The following CASS4 variants were observed in gnomAD, a reference collection of about 807,000 sequenced individuals.
CASS4 encodes Cas scaffold protein family member 4.
Under a neutral mutation model 54.2 loss-of-function variants are expected in CASS4, and 22 were observed. That is an observed-to-expected ratio of 0.41 (90% CI 0.29 to 0.58). CASS4 has a LOEUF of 0.58. CASS4 is among the 20% of genes least tolerant of loss of function. CASS4 has a pLI of 0.36. For missense variants in CASS4, 854 were observed against 986.7 expected, an observed-to-expected ratio of 0.87 and a Z score of 1.80; for synonymous variants, 409 against 391.5, an observed-to-expected ratio of 1.04 and a Z score of -0.53.
In CASS4 at chr20:56,437,886, G is replaced by A. The variant is rs562483996; in HGVS notation, c.459+300G>A. On this transcript the variant is annotated intron_variant, in intron 2 of 5. Transcript: ENST00000679887. The surrounding 1 kb of genome is among the most constrained non-coding windows in gnomAD (Gnocchi z 4.7). ...GTGTGGGAAGGCACTGAGGATGTTC[G>A]TGGCACCCTTTTCACAGGATGAAGG... Among the ~76,000 whole-genome samples, 4 of 152,270 alleles carry A rather than the reference G, an allele frequency of 2.6e-5. No homozygotes were observed. The highest frequency in any genetic ancestry group is 2.1e-4 in the South Asian group (1 of 4,822).
chr20:56,452,309 G>C lies in CASS4; in HGVS notation c.1133G>C (p.Gly378Ala). Residue 378 changes from glycine to alanine, a missense_variant, in exon 5 of 6, where the codon GGC (glycine) becomes GCC (alanine). By Grantham distance (60) the Gly-to-Ala change is moderately conservative (BLOSUM62 0). Transcript: ENST00000679887. ...AAGGAGGTGTCAGAGAATTCCGCGG[G>C]CCATAATTCCTCATGGTTCTCCAGA... The part of the protein sequence containing the change: ...KAKEVSENSA[G>A]HNSSWFSRRT... 1 of 1,613,914 alleles carries C rather than the reference G, an allele frequency of 6.2e-7. No homozygotes were observed. Among genetic ancestry groups the C allele is most frequent in the South Asian group, 1.1e-5 (1 of 91,090 alleles).
At chr20:56,423,202 A>C (rs1979491417) in intron 1 of CASS4, among the ~76,000 whole-genome samples, 1 of 152,250 alleles carries the variant, frequency 6.6e-6, no homozygotes, top group African/African-American at 2.4e-5. Flanking sequence ...GTTTTCCAGG[A>C]TATGGATAGT....
In CASS4 at chr20:56,412,477, A is replaced by G. The variant is rs773256357; in HGVS notation, c.19A>G (p.Met7Val). 2.5e-6 allele frequency: 4 copies of G among 1,612,802 alleles called. No homozygotes were observed. The highest frequency in any genetic ancestry group is 1.7e-5 in the Admixed American group (1 of 59,888). The part of the protein sequence containing the change: MKGTGI[M>V]DCAPKALLAR... ...CACCGACATGAAGGGAACAGGCATC[A>G]TGGACTGTGCGCCCAAGGTGAGTGA... is the stretch of plus-strand genomic sequence containing the variant. The change falls in exon 1 of 6, where the codon ATG becomes GTG. Residue 7 changes from methionine to valine, a missense_variant. Physicochemically the swap from Met to Val is conservative, Grantham distance 21. Coordinates refer to ENST00000679887, the MANE Select transcript of CASS4 (RefSeq NM_020356.4). This position sits in a 1 kb window ranked among gnomAD's most constrained non-coding sequence, Gnocchi z 4.2.
intron 4 of CASS4, 60 bp from the exon 5 acceptor site, chr20:56,451,759 C>A: frequency 1.6e-6 from 2 of 1,259,742 alleles, no homozygotes; most frequent in Admixed American, 2.1e-5. Context: ...ATTTAAACAA[C>A]GCACTCGCGC....
In CASS4 at chr20:56,450,548, G is replaced by C. The variant is rs763896927; in HGVS notation, c.562-51G>C. 2.0e-6 allele frequency: 3 copies of C among 1,522,000 alleles called. No homozygotes were observed. In the South Asian group the frequency reaches 3.4e-5, roughly 17 times the overall value. 94.3% of individuals were successfully genotyped at this position (1,522,000 alleles called of 1,614,324 possible). A position where few individuals can be genotyped will look rare whatever the true frequency, so the allele number is the denominator to read the frequency against. Reference sequence around the variant, plus strand: ...GAATAGGGAGTGTTCGTGATGTGTAGCCATTAGGAAAGAAACATTCAAGTT... The same window carrying C: ...GAATAGGGAGTGTTCGTGATGTGTACCCATTAGGAAAGAAACATTCAAGTT... On this transcript the variant is annotated intron_variant, in intron 3 of 5. Transcript: ENST00000679887.
At chr20:56,439,956 G>A (rs1250362193) in intron 2 of CASS4, among the ~76,000 whole-genome samples, 1 of 152,202 alleles carries the variant, frequency 6.6e-6, no homozygotes, top group East Asian at 1.9e-4. Flanking sequence ...AGCTCCCTGA[G>A]GCATGTGCTG....
intron 3 of CASS4, among the ~76,000 whole-genome samples, chr20:56,449,592 T>C (rs1055379545): frequency 8.6e-5 from 13 of 151,926 alleles, no homozygotes; most frequent in Non-Finnish European, 1.6e-4. Context: ...CACATGTACC[T>C]TAGAACTTAA....
chr20:56,429,860 C>T (rs1053577216), intron 1 of CASS4, among the ~76,000 whole-genome samples: 1 of 152,114 alleles, frequency 6.6e-6, no homozygotes, highest in African/African-American at 2.4e-5. Flanking sequence ...TGTATTTTTT[C>T]ATAACTTCCT....
intron 2 of CASS4, 118 bp from the exon 3 acceptor site, chr20:56,445,782 C>A: frequency 1.4e-6 from 1 of 709,130 alleles, no homozygotes; most frequent in East Asian, 2.8e-5. Context: ...GGGTGCCGGG[C>A]GACCCCTTCA....
At position 56,437,771 on chromosome 20, in the gene CASS4, C is replaced by G. The variant is rs553473642; in HGVS notation, c.459+185C>G. ...ATGGAGAACTCAGCGGCCTCCACCC[C>G]CTTGTCGTTGACACCCTTGGCGCCA... On this transcript the variant is annotated intron_variant, in intron 2 of 5. Transcript: ENST00000679887. The surrounding 1 kb of genome is among the most constrained non-coding windows in gnomAD (Gnocchi z 4.7). 6.6e-6 allele frequency among the ~76,000 whole-genome samples: 1 copy of G among 152,176 alleles called. No individual in the cohort carries two copies. Among genetic ancestry groups the G allele is most frequent in the African/African-American group, 2.4e-5 (1 of 41,456 alleles).
intron 3 of CASS4, among the ~76,000 whole-genome samples, chr20:56,448,011 A>G (rs1387462220): frequency 1.3e-5 from 2 of 152,020 alleles, no homozygotes; most frequent in South Asian, 2.1e-4. Flanking sequence ...GCATGGTGGC[A>G]GGTGCCTGTA....
intron 1 of CASS4, among the ~76,000 whole-genome samples, chr20:56,428,445 G>T (rs999164685): frequency 2.0e-5 from 3 of 152,202 alleles, no homozygotes; most frequent in Admixed American, 1.3e-4. Context: ...TTAACGTTGA[G>T]TTTGCAAAGG....
intron 2 of CASS4, among the ~76,000 whole-genome samples, chr20:56,444,435 C>T (rs6024880): frequency 0.05 from 7,558 of 152,280 alleles, 604 homozygotes; most frequent in African/African-American, 0.17. Flanking sequence ...CCTCCAGGCC[C>T]TGTCTTGCTT....
chr20:56,451,835 T>A lies in CASS4; in HGVS notation c.659T>A (p.Leu220Gln), dbSNP rs1293387475. Residue 220 changes from leucine to glutamine, a missense_variant, in exon 5 of 6, where the codon CTG (leucine) becomes CAG (glutamine). Coordinates refer to ENST00000679887, the MANE Select transcript of CASS4 (RefSeq NM_020356.4). ...DSQASGQGVP[L>Q]ISVTTLRRGG... ...CTCCCACAGGGGCAGGGTGTTCCCC[T>A]GATATCAGTGACTACCTTAAGAAGA... 2.5e-6 allele frequency: 4 copies of A among 1,612,070 alleles called. No individual in the cohort carries two copies. The highest frequency in any genetic ancestry group is 3.4e-6 in the Non-Finnish European group (4 of 1,178,450).
chr20:56,445,117 A>G (rs561740731), intron 2 of CASS4, among the ~76,000 whole-genome samples: 6 of 152,276 alleles, frequency 3.9e-5, no homozygotes, highest in African/African-American at 1.4e-4. Context: ...TCTCAAAAAA[A>G]AAAAAGGTTT....
At chr20:56,439,892 C>T (rs1040771317) in intron 2 of CASS4, among the ~76,000 whole-genome samples, 11 of 152,188 alleles carry the variant, frequency 7.2e-5, no homozygotes, top group African/African-American at 1.4e-4. Flanking sequence ...ACATCCCACC[C>T]GGCCACAGCT....
Position 56,424,782 on chromosome 20 carries a change from G to C in CASS4, c.36+12288G>C, listed in dbSNP as rs556532458. Among the ~76,000 whole-genome samples the C allele has an allele frequency of 3.0e-4, 45 of 151,126 alleles. No homozygotes were observed. The South Asian group carries it at 3.6e-3, about 12-fold the overall frequency. On this transcript the variant is annotated intron_variant, in intron 1 of 5. Coordinates refer to ENST00000679887, the MANE Select transcript of CASS4 (RefSeq NM_020356.4). Reference sequence around the variant, plus strand: ...AAAAAAATCACAGGTTCTTTCTTGGGTAACTATGTCAAAGGGGAAGGAGGC... The same window carrying C: ...AAAAAAATCACAGGTTCTTTCTTGGCTAACTATGTCAAAGGGGAAGGAGGC...
rs560877792 is a variant in CASS4 at position 56,433,001 on chromosome 20, C to T, written c.37-4163C>T. Reference sequence around the variant, plus strand: ...CCTCTTAAAGACTTGAAAATGGGGGCGTTATGTCACGCCTCTCTTTCATTC... The same window carrying T: ...CCTCTTAAAGACTTGAAAATGGGGGTGTTATGTCACGCCTCTCTTTCATTC... On this transcript the variant is annotated intron_variant, in intron 1 of 5. Coordinates refer to ENST00000679887, the MANE Select transcript of CASS4 (RefSeq NM_020356.4). Among the ~76,000 whole-genome samples the T allele has an allele frequency of 1.8e-4, 27 of 152,296 alleles. No individual in the cohort carries two copies. The South Asian group carries it at 5.6e-3, about 32-fold the overall frequency.
At position 56,460,253 on chromosome 20, in the gene CASS4, T is replaced by G. The variant is rs1600783664; in HGVS notation, c.*1506T>G. 1 of 152,582 alleles carries G rather than the reference T, an allele frequency of 6.6e-6. No individual in the cohort carries two copies. Among genetic ancestry groups the G allele is most frequent in the African/African-American group, 2.4e-5 (1 of 41,458 alleles). The allele number at this position is 152,582 out of a possible 1,614,324, so 9.5% of individuals were successfully genotyped here. On this transcript the variant is annotated 3_prime_UTR_variant, in exon 6 of 6. Coordinates refer to ENST00000679887, the MANE Select transcript of CASS4 (RefSeq NM_020356.4). ...TCAATTTGAAAAATTTTATATTTTG[T>G]CTCAAATCTGTTACAATTTATATTG...
Sources: gnomAD v4.1 joint callset for allele counts (sites outside exome capture counted in the v4.1 genomes callset) on GRCh38, gnomAD v4.1.1 for gene constraint, Gnocchi (gnomAD v3.1) non-coding constraint, MANE v1.5 for transcripts, NCBI Gene and HGNC (gene_info 2026-07-23, HGNC 2026-07-21) for gene names.